TASP1: variants seen among roughly 807,000 people sequenced by gnomAD.
The protein encoded by TASP1 is threonine aspartase 1.
In TASP1, 16 loss-of-function variants were observed where a neutral mutation model predicts 56.6. The ratio of observed to expected loss-of-function variants is 0.28; its 90% CI spans 0.19 to 0.43. The LOEUF is 0.43. TASP1 is among the 20% of genes least tolerant of loss of function. The pLI is 1.00. For missense variants in TASP1, 393 were observed against 511.6 expected, an observed-to-expected ratio of 0.77 and a Z score of 2.24; for synonymous variants, 179 against 184.2, an observed-to-expected ratio of 0.97 and a Z score of 0.23.
the TASP1 span, among the ~76,000 whole-genome samples, chr20:13,372,563 A>ATGCATATATATGTAATATATATG: frequency 6.6e-6 from 1 of 151,490 alleles, no homozygotes; most frequent in South Asian, 2.1e-4. Flanking sequence ...TTATATATAT[A>ATGCATATATATGTAATATATATG]CATATATATG....
At chr20:13,487,874 A>C (rs1233221546) in intron 10 of TASP1, among the ~76,000 whole-genome samples, 8 of 152,180 alleles carry the variant, frequency 5.3e-5, no homozygotes, top group African/African-American at 1.7e-4. Flanking sequence ...AAATCTTCTT[A>C]ATGTTTTTTG....
At chr20:13,117,495 T>C in the TASP1 span, 1 of 1,564,386 alleles carries the variant, frequency 6.4e-7, no homozygotes, top group Non-Finnish European at 8.7e-7. Context: ...GCATTTCTCC[T>C]TCTGCCCTAG....
chr20:13,497,387 G>A (rs182498259), intron 10 of TASP1, among the ~76,000 whole-genome samples: 62 of 152,330 alleles, frequency 4.1e-4, no homozygotes, highest in African/African-American at 1.2e-3. Context: ...ACCAAAGTGT[G>A]AGACCAGAGT....
At chr20:13,492,983 C>T (rs2043591528) in intron 10 of TASP1, among the ~76,000 whole-genome samples, 1 of 152,072 alleles carries the variant, frequency 6.6e-6, no homozygotes, top group African/African-American at 2.4e-5. Flanking sequence ...GTGCTTTATA[C>T]ATATATTAGT....
intron 11 of TASP1, among the ~76,000 whole-genome samples, chr20:13,470,785 TCAA>T (rs2146421323): frequency 6.6e-6 from 1 of 152,286 alleles, no homozygotes; most frequent in South Asian, 2.1e-4. Context: ...TCCCAGCCGC[TCAA>T]CAGAGTTCTT....
intron 4 of TASP1, among the ~76,000 whole-genome samples, chr20:13,594,172 T>G (rs962968470): frequency 6.6e-6 from 1 of 151,996 alleles, no homozygotes; most frequent in African/African-American, 2.4e-5. Context: ...CAGAAAGAAA[T>G]AGCATCAACA....
the TASP1 span, among the ~76,000 whole-genome samples, chr20:13,319,438 G>A: frequency 5.9e-5 from 9 of 152,222 alleles, no homozygotes; most frequent in Non-Finnish European, 5.9e-5. Context: ...GTTTCACAGA[G>A]GTCAAGGGTT....
intron 8 of TASP1, among the ~76,000 whole-genome samples, chr20:13,556,830 C>CA (rs1180406413): frequency 6.6e-6 from 1 of 152,224 alleles, no homozygotes; most frequent in Admixed American, 6.5e-5. Context: ...TCCTATTTAA[C>CA]AAAGTCTTCA....
the TASP1 span, among the ~76,000 whole-genome samples, chr20:13,259,503 T>G: frequency 1.3e-5 from 2 of 152,264 alleles, no homozygotes; most frequent in Admixed American, 1.3e-4. Context: ...AAAAAGCACA[T>G]GTCAACTACT....
intron 4 of TASP1, among the ~76,000 whole-genome samples, chr20:13,589,220 G>C (rs899536210): frequency 2.0e-5 from 3 of 151,862 alleles, no homozygotes; most frequent in Non-Finnish European, 4.4e-5. Context: ...ACCATGCCCA[G>C]CTAATTTTTT....
the TASP1 span, among the ~76,000 whole-genome samples, chr20:13,267,775 A>G: frequency 6.6e-6 from 1 of 152,234 alleles, no homozygotes; most frequent in Non-Finnish European, 1.5e-5. Context: ...TAGTAGGAAG[A>G]GTACTCCATT....
At chr20:13,276,938 G>A in the TASP1 span, among the ~76,000 whole-genome samples, 1 of 152,170 alleles carries the variant, frequency 6.6e-6, no homozygotes, top group African/African-American at 2.4e-5. Flanking sequence ...AGGGAAGGGT[G>A]CGGTGGATCC....
At chr20:13,347,461 T>C in the TASP1 span, among the ~76,000 whole-genome samples, 1 of 152,236 alleles carries the variant, frequency 6.6e-6, no homozygotes, top group East Asian at 1.9e-4. Flanking sequence ...CTCTTCTTTC[T>C]GGTTCTAGAG....
the TASP1 span, among the ~76,000 whole-genome samples, chr20:13,210,058 G>A: frequency 2.0e-5 from 3 of 152,114 alleles, no homozygotes; most frequent in South Asian, 2.1e-4. Flanking sequence ...GATTAGTTGT[G>A]CCTGTTCTTG....
chr20:13,161,329 A>G, the TASP1 span, among the ~76,000 whole-genome samples: 2 of 152,212 alleles, frequency 1.3e-5, no homozygotes, highest in African/African-American at 2.4e-5. Flanking sequence ...TGTTGAGACT[A>G]TGTGTCCATG....
intron 7 of TASP1, among the ~76,000 whole-genome samples, chr20:13,567,131 A>T (rs2046558121): frequency 6.6e-6 from 1 of 152,198 alleles, no homozygotes; most frequent in Non-Finnish European, 1.5e-5. Context: ...TAGCACGAGC[A>T]TGGATGGAGA....
the TASP1 span, chr20:13,117,406 G>A: frequency 0.011 from 12,271 of 1,123,384 alleles, 377 homozygotes; most frequent in African/African-American, 0.1. Context: ...AAGGAATGGC[G>A]TGTGTCAGGG....
the TASP1 span, among the ~76,000 whole-genome samples, chr20:13,381,074 G>C: frequency 6.6e-6 from 1 of 152,142 alleles, no homozygotes; most frequent in African/African-American, 2.4e-5. Context: ...CCCCTTTCCA[G>C]GGGAGTGAAC....
intron 1 of TASP1, among the ~76,000 whole-genome samples, chr20:13,633,926 T>C (rs1033249616): frequency 3.3e-5 from 5 of 152,258 alleles, no homozygotes; most frequent in East Asian, 1.9e-4. Context: ...CTCCTAGTAA[T>C]GATATTAAAA....
Sources: gnomAD v4.1 joint callset for allele counts (sites outside exome capture counted in the v4.1 genomes callset) on GRCh38, gnomAD v4.1.1 for gene constraint, MANE v1.5 for transcripts, NCBI Gene and HGNC (gene_info 2026-07-23, HGNC 2026-07-21) for gene names.